The following STARD13 variants were observed in gnomAD, a reference collection of about 807,000 sequenced individuals.
STARD13 encodes stAR-related lipid transfer protein 13.
In STARD13, 62 loss-of-function variants were observed where a neutral mutation model predicts 106.4. The observed-to-expected ratio is 0.58, with a 90% CI of 0.48 to 0.72. The LOEUF (loss-of-function observed/expected upper bound fraction) is 0.72, where lower values mean the gene tolerates loss of function less well. Among genes scored for constraint, STARD13 ranks in the 30% least tolerant of loss-of-function variants. The pLI is 0.00. For missense variants in STARD13, 1,387 were observed against 1,424.0 expected (o/e 0.97, Z 0.42); for synonymous variants, 565 against 553.0 (o/e 1.02, Z -0.31).
intron 1 of STARD13, among the ~76,000 whole-genome samples, chr13:33,219,674 G>T (rs983873992): frequency 6.6e-6 from 1 of 151,448 alleles, no homozygotes; most frequent in African/African-American, 2.4e-5. Context: ...GCACGGTGGT[G>T]CATGCCTGTA....
At chr13:33,279,196 T>A (rs990574181) in intron 1 of STARD13, among the ~76,000 whole-genome samples, 2 of 152,188 alleles carry the variant, frequency 1.3e-5, no homozygotes, top group African/African-American at 4.8e-5. Flanking sequence ...TCCCTTTATA[T>A]AAGAGTTTTG....
the STARD13 span, among the ~76,000 whole-genome samples, chr13:33,476,266 G>C: frequency 1.3e-5 from 2 of 152,042 alleles, no homozygotes; most frequent in Non-Finnish European, 2.9e-5. Flanking sequence ...AGTGATCTTT[G>C]ATCCCAAACA....
chr13:33,168,646 C>T (rs73467882), intron 1 of STARD13, among the ~76,000 whole-genome samples: 2,566 of 152,254 alleles, frequency 0.017, 62 homozygotes, highest in African/African-American at 0.056. Flanking sequence ...ATTGTATTTC[C>T]ATTTACTATG....
intron 1 of STARD13, among the ~76,000 whole-genome samples, chr13:33,240,054 A>T (rs1594150481): frequency 6.6e-6 from 1 of 152,082 alleles, no homozygotes; most frequent in Non-Finnish European, 1.5e-5. Flanking sequence ...ATCCATTTTG[A>T]GTTATTTTTA....
the STARD13 span, among the ~76,000 whole-genome samples, chr13:33,467,835 G>A: frequency 1.3e-5 from 2 of 152,122 alleles, no homozygotes; most frequent in Non-Finnish European, 2.9e-5. Flanking sequence ...TTTGCTTTAA[G>A]GACATTTGTT....
intron 1 of STARD13, among the ~76,000 whole-genome samples, chr13:33,213,904 C>T (rs1469360451): frequency 1.3e-5 from 2 of 152,182 alleles, no homozygotes; most frequent in Non-Finnish European, 2.9e-5. Flanking sequence ...AATTAAGATG[C>T]TAATGGGCAT....
the STARD13 span, among the ~76,000 whole-genome samples, chr13:33,556,014 C>A: frequency 6.6e-6 from 1 of 152,132 alleles, no homozygotes; most frequent in Non-Finnish European, 1.5e-5. Flanking sequence ...ACACAGGGCT[C>A]TTTAGCTAGT....
chr13:33,590,322 C>T, the STARD13 span, among the ~76,000 whole-genome samples: 1 of 152,078 alleles, frequency 6.6e-6, no homozygotes, highest in Non-Finnish European at 1.5e-5. Flanking sequence ...CTAGAAATAT[C>T]ATTTGACCCA....
intron 1 of STARD13, among the ~76,000 whole-genome samples, chr13:33,214,697 CA>C (rs1887925695): frequency 1.3e-5 from 1 of 78,022 alleles, no homozygotes; most frequent in African/African-American, 6.3e-5. Flanking sequence ...CACATGCACA[CA>C]TACACACACA....
At chr13:33,534,555 C>A in the STARD13 span, among the ~76,000 whole-genome samples, 1 of 152,118 alleles carries the variant, frequency 6.6e-6, no homozygotes, top group Non-Finnish European at 1.5e-5. Flanking sequence ...GCTGTTTTTT[C>A]ATACATGTAT....
chr13:33,655,516 A>C, the STARD13 span, among the ~76,000 whole-genome samples: 24 of 152,294 alleles, frequency 1.6e-4, no homozygotes, highest in African/African-American at 5.8e-4. Context: ...AGTCCATTCC[A>C]GTCCTAATCT....
the STARD13 span, among the ~76,000 whole-genome samples, chr13:33,422,020 C>T: frequency 2.1e-5 from 3 of 145,134 alleles, no homozygotes; most frequent in African/African-American, 8.5e-5. Flanking sequence ...GAAGCATTCC[C>T]TCTGAAAACC....
At chr13:33,350,178 T>A in intron 1 of STARD13, 1 of 1,329,386 alleles carries the variant, frequency 7.5e-7, no homozygotes, top group Non-Finnish European at 9.6e-7. Context: ...GGCCTTGGGC[T>A]CTGAAACTCA....
chr13:33,146,185 G>A (rs1413228366), intron 3 of STARD13, among the ~76,000 whole-genome samples: 6 of 152,186 alleles, frequency 3.9e-5, no homozygotes, highest in East Asian at 1.9e-4. Flanking sequence ...TTAGCCAGGC[G>A]TGGTGGCACA....
chr13:33,492,222 G>C, the STARD13 span, among the ~76,000 whole-genome samples: 1 of 152,182 alleles, frequency 6.6e-6, no homozygotes. Context: ...GGTCACAGGG[G>C]ATATGATGGC....
intron 1 of STARD13, among the ~76,000 whole-genome samples, chr13:33,234,339 G>A (rs1421652666): frequency 6.6e-6 from 1 of 152,210 alleles, no homozygotes; most frequent in Non-Finnish European, 1.5e-5. Flanking sequence ...CAGGAACAGA[G>A]TCCCAGCTAT....
chr13:33,339,147 T>C (rs2077931322), intron 1 of STARD13, among the ~76,000 whole-genome samples: 1 of 152,246 alleles, frequency 6.6e-6, no homozygotes, highest in Non-Finnish European at 1.5e-5. Flanking sequence ...AGGTAAGTAC[T>C]ATGCTTATCC....
the STARD13 span, among the ~76,000 whole-genome samples, chr13:33,517,899 G>A: frequency 6.6e-6 from 1 of 151,976 alleles, no homozygotes; most frequent in Admixed American, 6.6e-5. Flanking sequence ...ACTGAGAACC[G>A]CCTGCCCTGT....
At chr13:33,384,429 A>G in the STARD13 span, among the ~76,000 whole-genome samples, 1 of 152,216 alleles carries the variant, frequency 6.6e-6, no homozygotes, top group Non-Finnish European at 1.5e-5. Flanking sequence ...TCCATATTTT[A>G]ATGCATCTTA....
Sources: gnomAD v4.1 joint callset for allele counts (sites outside exome capture counted in the v4.1 genomes callset) on GRCh38, gnomAD v4.1.1 for gene constraint, MANE v1.5 for transcripts, NCBI Gene and HGNC (gene_info 2026-07-23, HGNC 2026-07-21) for gene names.